CD2AP: variants seen among roughly 807,000 people sequenced by gnomAD.
The protein encoded by CD2AP is CD2 associated protein, also known as CD2-associated protein.
CD2AP carries 46 observed loss-of-function variants against 85.1 expected under a neutral mutation model. The ratio of observed to expected loss-of-function variants is 0.54; its 90% CI spans 0.43 to 0.69. CD2AP has a LOEUF of 0.69. Ranked by LOEUF, CD2AP falls within the 30% of genes least tolerant of loss-of-function variation. The pLI, the probability that CD2AP is intolerant of heterozygous loss-of-function variation, is 0.00. For missense variants in CD2AP, 769 were observed against 729.5 expected (o/e 1.05, Z -0.62); for synonymous variants, 255 against 252.9 (o/e 1.01, Z -0.08).
intron 2 of CD2AP, among the ~76,000 whole-genome samples, chr6:47,505,915 C>T (rs1766148607): frequency 9.2e-6 from 1 of 108,178 alleles, no homozygotes; most frequent in African/African-American, 3.7e-5. Flanking sequence ...CCCCCCACCT[C>T]CCTCCCGGAC....
At chr6:47,479,319 G>A (rs572058003) in intron 1 of CD2AP, among the ~76,000 whole-genome samples, 59 of 152,324 alleles carry the variant, frequency 3.9e-4, no homozygotes, top group African/African-American at 1.3e-3. Context: ...AAATGATTTA[G>A]AAGCAGGACG....
At chr6:47,512,317 G>C (rs1031012327) in intron 2 of CD2AP, among the ~76,000 whole-genome samples, 2 of 152,298 alleles carry the variant, frequency 1.3e-5, no homozygotes, top group African/African-American at 4.8e-5. Flanking sequence ...ACTCCAGCCT[G>C]GGTTGCAGAA....
intron 2 of CD2AP, among the ~76,000 whole-genome samples, chr6:47,533,134 A>ACT (rs1766933147): frequency 1.3e-5 from 2 of 152,232 alleles, no homozygotes; most frequent in Non-Finnish European, 2.9e-5. Flanking sequence ...AGTGTCTATA[A>ACT]ATAAAGTTTT....
In CD2AP at chr6:47,544,035, G is replaced by A. The variant is rs563135258; in HGVS notation, c.320-571G>A. On this transcript the variant is annotated intron_variant, in intron 3 of 17. Transcript: ENST00000359314. The stretch of plus-strand genomic sequence containing the variant: ...TGAAAAAGGTTGAGAACACAAGCGC[G>A]AATGGTTATAAATGATCACTTCTGA... Among the ~76,000 whole-genome samples, 26 of 152,320 alleles carry A rather than the reference G, an allele frequency of 1.7e-4. 1 individual carries two copies. The highest frequency in any genetic ancestry group is 1.0e-3 in the Admixed American group (16 of 15,302).
At chr6:47,608,527 G>T (rs1234330023) in intron 15 of CD2AP, among the ~76,000 whole-genome samples, 2 of 152,018 alleles carry the variant, frequency 1.3e-5, no homozygotes, top group Non-Finnish European at 2.9e-5. Flanking sequence ...GGTCATTTAG[G>T]TTTCCTCCCA....
intron 14 of CD2AP, 43 bp from the exon 15 acceptor site, chr6:47,607,884 T>C: frequency 1.5e-6 from 2 of 1,322,200 alleles, no homozygotes; most frequent in Non-Finnish European, 2.2e-6. Context: ...CCTTTTCTTT[T>C]CTTTGGTCTA....
chr6:47,543,148 C>CAAAAAAAAAAAAAAAAAAAAAAAGAAAA (rs1767267018), intron 3 of CD2AP, among the ~76,000 whole-genome samples: 2 of 60,322 alleles, frequency 3.3e-5, no homozygotes, highest in African/African-American at 1.4e-4. Flanking sequence ...AAGACTGTCT[C>CAAAAAAAAAAAAAAAAAAAAAAAGAAAA]AAAAAAAAAA....
intron 3 of CD2AP, among the ~76,000 whole-genome samples, chr6:47,543,047 A>C (rs1248345044): frequency 6.9e-6 from 1 of 145,346 alleles, no homozygotes; most frequent in African/African-American, 2.5e-5. Flanking sequence ...GCTACTCAGG[A>C]GGCTGAGGCA....
At chr6:47,484,053 T>C (rs942177741) in intron 1 of CD2AP, among the ~76,000 whole-genome samples, 2 of 152,186 alleles carry the variant, frequency 1.3e-5, no homozygotes, top group Non-Finnish European at 2.9e-5. Context: ...AAGACCTTTT[T>C]TGTTGTTGCT....
intron 2 of CD2AP, among the ~76,000 whole-genome samples, chr6:47,506,652 G>A (rs1253660373): frequency 1.3e-4 from 17 of 132,612 alleles, no homozygotes; most frequent in African/African-American, 4.2e-4. Context: ...CCAGTCAGGC[G>A]TGGCGGCGCG....
intron 5 of CD2AP, among the ~76,000 whole-genome samples, chr6:47,565,209 A>G (rs747775838): frequency 2.6e-5 from 4 of 152,156 alleles, no homozygotes; most frequent in African/African-American, 4.8e-5. Flanking sequence ...TTAATCATCT[A>G]TTCTGTTACT....
chr6:47,558,681 T>C (rs4711883), intron 5 of CD2AP, among the ~76,000 whole-genome samples: 144,952 of 152,226 alleles, frequency 0.95, 69,399 homozygotes, highest in East Asian at 1. Context: ...CTGACTTGAT[T>C]GTGGTGGATA....
chr6:47,612,819 T>G (rs1348665843), intron 17 of CD2AP, among the ~76,000 whole-genome samples: 1 of 151,880 alleles, frequency 6.6e-6, no homozygotes, highest in Non-Finnish European at 1.5e-5. Flanking sequence ...ATTGAACTCA[T>G]AGAGATAGAG....
At chr6:47,528,967 T>TA (rs1435431344) in intron 2 of CD2AP, among the ~76,000 whole-genome samples, 3 of 152,204 alleles carry the variant, frequency 2.0e-5, no homozygotes, top group African/African-American at 4.8e-5. Flanking sequence ...ACTCTCTTGA[T>TA]ACGTTTGCTT....
intron 17 of CD2AP, among the ~76,000 whole-genome samples, chr6:47,615,539 G>A (rs1038297936): frequency 5.9e-5 from 9 of 152,038 alleles, no homozygotes; most frequent in Admixed American, 5.9e-4. Flanking sequence ...GGGAGTAAGA[G>A]AGAGAGTGGG....
intron 2 of CD2AP, among the ~76,000 whole-genome samples, chr6:47,514,378 A>G (rs1402358872): frequency 6.6e-6 from 1 of 152,238 alleles, no homozygotes; most frequent in Non-Finnish European, 1.5e-5. Flanking sequence ...AGGAGAAACC[A>G]GGCTAACTTA....
chr6:47,562,935 G>A, intron 5 of CD2AP: 1 of 594,936 alleles, frequency 1.7e-6, no homozygotes, highest in East Asian at 2.6e-5. Flanking sequence ...TAAAGAAATT[G>A]GTTGTGGTTG....
At chr6:47,610,967 A>AT (rs1403590301) in intron 16 of CD2AP, among the ~76,000 whole-genome samples, 8 of 77,330 alleles carry the variant, frequency 1.0e-4, no homozygotes, top group Non-Finnish European at 1.9e-4. Context: ...ATATATATAT[A>AT]TGTATTTTTT....
chr6:47,517,890 G>A (rs940499268), intron 2 of CD2AP, among the ~76,000 whole-genome samples: 7 of 152,102 alleles, frequency 4.6e-5, no homozygotes, highest in Admixed American at 4.6e-4. Flanking sequence ...ATGAGATGAT[G>A]TATTAAGCGT....
Sources: gnomAD v4.1 joint callset for allele counts (sites outside exome capture counted in the v4.1 genomes callset) on GRCh38, gnomAD v4.1.1 for gene constraint, MANE v1.5 for transcripts, NCBI Gene and HGNC (gene_info 2026-07-23, HGNC 2026-07-21) for gene names.